Variants in CHST11 observed in about 807,000 individuals in gnomAD.
CHST11 encodes the protein carbohydrate sulfotransferase 11.
A neutral mutation model predicts 30.4 loss-of-function variants in CHST11; 9 were observed. The ratio of observed to expected loss-of-function variants is 0.30; its 90% CI spans 0.18 to 0.52. CHST11 has a LOEUF of 0.52. Ranked by LOEUF, CHST11 falls within the 20% of genes least tolerant of loss-of-function variation. CHST11 has a pLI of 0.97. For synonymous variants in CHST11, 152 were observed against 187.8 expected (o/e 0.81, Z 1.56); for missense variants, 348 against 460.6 (o/e 0.76, Z 2.24).
chr12:104,463,986 C>T (rs1442348991), intron 1 of CHST11, among the ~76,000 whole-genome samples: 1 of 151,526 alleles, frequency 6.6e-6, no homozygotes, highest in East Asian at 1.9e-4. Context: ...GAAGCTTGAG[C>T]AGAGGTCTCT....
intron 2 of CHST11, among the ~76,000 whole-genome samples, chr12:104,678,921 G>C (rs1043766442): frequency 6.6e-6 from 1 of 152,092 alleles, no homozygotes; most frequent in African/African-American, 2.4e-5. Flanking sequence ...ACGTACTCTA[G>C]CTCACACAGT....
chr12:104,709,068 A>T (rs2040061887), intron 2 of CHST11, among the ~76,000 whole-genome samples: 1 of 152,106 alleles, frequency 6.6e-6, no homozygotes, highest in African/African-American at 2.4e-5. Context: ...AAGCACCAAG[A>T]CCCGGTTTCG....
chr12:104,523,737 G>A (rs1486824991), intron 1 of CHST11, among the ~76,000 whole-genome samples: 1 of 152,166 alleles, frequency 6.6e-6, no homozygotes, highest in African/African-American at 2.4e-5. Flanking sequence ...TAGAACACTG[G>A]CATTTACTCA....
intron 2 of CHST11, among the ~76,000 whole-genome samples, chr12:104,672,167 G>A (rs1015634321): frequency 2.0e-5 from 3 of 152,282 alleles, no homozygotes; most frequent in South Asian, 2.1e-4. Context: ...TCAGGGAAGC[G>A]CGTTTTCTGG....
intron 1 of CHST11, among the ~76,000 whole-genome samples, chr12:104,547,959 T>C (rs536802282): frequency 6.6e-6 from 1 of 152,266 alleles, no homozygotes; most frequent in East Asian, 1.9e-4. Flanking sequence ...ATGCAAACAA[T>C]GGTGGATGAG....
chr12:104,539,479 A>G (rs965393631), intron 1 of CHST11, among the ~76,000 whole-genome samples: 1 of 152,234 alleles, frequency 6.6e-6, no homozygotes, highest in African/African-American at 2.4e-5. Context: ...GTATGGGGAT[A>G]CGATGAAATA....
chr12:104,734,585 G>A (rs1176122979), intron 2 of CHST11, among the ~76,000 whole-genome samples: 1 of 152,132 alleles, frequency 6.6e-6, no homozygotes, highest in Non-Finnish European at 1.5e-5. Context: ...GGTGGCCTGT[G>A]ATATTCCAGT....
intron 1 of CHST11, among the ~76,000 whole-genome samples, chr12:104,545,542 A>G (rs2038338365): frequency 6.6e-6 from 1 of 152,242 alleles, no homozygotes; most frequent in South Asian, 2.1e-4. Context: ...TTAAATATAG[A>G]ACAAATGATA....
chr12:104,676,313 T>C lies in CHST11; in HGVS notation c.204+74322T>C, dbSNP rs950520946. Among the ~76,000 whole-genome samples the C allele has an allele frequency of 1.3e-5, 2 of 152,154 alleles. No homozygotes were observed. The highest frequency in any genetic ancestry group is 2.9e-5 in the Non-Finnish European group (2 of 68,024). The stretch of plus-strand genomic sequence containing the variant: ...TCCAGAGGTTCCAGTGGAGAATCTG[T>C]CCCTTGCCTTTTTTAGCTATTAGAT... On this transcript the variant is annotated intron_variant, in intron 2 of 2. Coordinates refer to ENST00000303694, the MANE Select transcript of CHST11 (RefSeq NM_018413.6). The surrounding 1 kb of genome is among the most constrained non-coding windows in gnomAD (Gnocchi z 4.4).
chr12:104,623,510 A>G (rs899775207), intron 2 of CHST11, among the ~76,000 whole-genome samples: 4 of 152,166 alleles, frequency 2.6e-5, no homozygotes, highest in Non-Finnish European at 4.4e-5. Context: ...TGGGAGTTCG[A>G]GACTAGCCTG....
At chr12:104,645,012 ATG>A (rs1224399243) in intron 2 of CHST11, among the ~76,000 whole-genome samples, 1 of 152,164 alleles carries the variant, frequency 6.6e-6, no homozygotes, top group Non-Finnish European at 1.5e-5. Flanking sequence ...GTACAGTGGC[ATG>A]ATGGCTCACT....
At chr12:104,654,412 G>A (rs1430829382) in intron 2 of CHST11, among the ~76,000 whole-genome samples, 2 of 152,154 alleles carry the variant, frequency 1.3e-5, no homozygotes, top group Admixed American at 6.5e-5. Flanking sequence ...GAGATCCACA[G>A]AAAGACACCC....
intron 1 of CHST11, among the ~76,000 whole-genome samples, chr12:104,555,460 C>T (rs1042270251): frequency 6.6e-6 from 1 of 152,198 alleles, no homozygotes; most frequent in African/African-American, 2.4e-5. Flanking sequence ...GAGGCACACA[C>T]CTTTCCTTTT....
intron 2 of CHST11, among the ~76,000 whole-genome samples, chr12:104,688,412 C>A (rs1395039757): frequency 6.6e-6 from 1 of 152,058 alleles, no homozygotes; most frequent in Non-Finnish European, 1.5e-5. Flanking sequence ...AGTCCCTGAG[C>A]CAGTAGGTGG....
rs1181152847 is a variant in CHST11, at chr12:104,729,761, T to C, written c.205-27188T>C. 1.3e-5 allele frequency among the ~76,000 whole-genome samples: 2 copies of C among 152,068 alleles called. No homozygotes were observed. The highest frequency in any genetic ancestry group is 2.4e-5 in the African/African-American group (1 of 41,386). On this transcript the variant is annotated intron_variant, in intron 2 of 2. Coordinates refer to ENST00000303694, the MANE Select transcript of CHST11 (RefSeq NM_018413.6). The surrounding 1 kb of genome is among the most constrained non-coding windows in gnomAD (Gnocchi z 4.0). ...ACCTAGGAGTTGAGGGGGAGCTCGATGGCGCTGGGGCAGAGGTCTGCGGAG... is the reference window on the plus strand; with the variant it reads ...ACCTAGGAGTTGAGGGGGAGCTCGACGGCGCTGGGGCAGAGGTCTGCGGAG...
chr12:104,495,700 G>A (rs184784694), intron 1 of CHST11, among the ~76,000 whole-genome samples: 24 of 152,258 alleles, frequency 1.6e-4, no homozygotes, highest in African/African-American at 5.3e-4. Context: ...CTGTGAGGAA[G>A]AGGTTCCATT....
chr12:104,699,542 AATTGT>A (rs1343221702), intron 2 of CHST11, among the ~76,000 whole-genome samples: 1 of 152,186 alleles, frequency 6.6e-6, no homozygotes, highest in East Asian at 1.9e-4. Flanking sequence ...CACTGGTCTC[AATTGT>A]AGGGTCACTG....
chr12:104,479,878 C>T (rs1216698181), intron 1 of CHST11, among the ~76,000 whole-genome samples: 1 of 152,202 alleles, frequency 6.6e-6, no homozygotes, highest in African/African-American at 2.4e-5. Flanking sequence ...GTCTGCCTTC[C>T]TGCCAGTGGG....
intron 2 of CHST11, among the ~76,000 whole-genome samples, chr12:104,666,041 ATC>A (rs2039639816): frequency 2.0e-5 from 3 of 151,496 alleles, no homozygotes; most frequent in Admixed American, 2.0e-4. Flanking sequence ...GATGGTCTTG[ATC>A]TCCCGACCTC....
Sources: allele counts gnomAD v4.1 joint callset (sites outside exome capture counted in the v4.1 genomes callset), GRCh38; gene constraint gnomAD v4.1.1; non-coding constraint Gnocchi (gnomAD v3.1); transcripts MANE v1.5; gene names NCBI Gene and HGNC (gene_info 2026-07-23, HGNC 2026-07-21).